GNL3L: variants seen among roughly 807,000 people sequenced by gnomAD.
GNL3L encodes the protein G protein nucleolar 3 like, also known as guanine nucleotide-binding protein-like 3-like protein.
A neutral mutation model predicts 42.9 loss-of-function variants in GNL3L; 4 were observed. The ratio of observed to expected loss-of-function variants is 0.09; its 90% confidence interval spans 0.05 to 0.21. The LOEUF (loss-of-function observed/expected upper bound fraction) is 0.21. Ranked by LOEUF, GNL3L falls within the 10% of genes least tolerant of loss-of-function variation. The probability of loss-of-function intolerance (pLI) is 1.00; values close to 1 mark genes in which losing one functional copy is unlikely to be tolerated. For synonymous variants in GNL3L, 159 were observed against 176.3 expected, an observed-to-expected ratio of 0.90 and a Z score of 0.78; for missense variants, 412 against 481.7, an observed-to-expected ratio of 0.86 and a Z score of 1.36.
intron 2 of GNL3L, among the ~76,000 whole-genome samples, chrX:54,538,821 A>G (rs1924523997): frequency 8.9e-6 from 1 of 111,815 alleles, no homozygotes; most frequent in Non-Finnish European, 1.9e-5. Flanking sequence ...TCTCAGAATT[A>G]TTTGAGTTTG....
intron 16 of GNL3L, among the ~76,000 whole-genome samples, chrX:54,593,198 G>A (rs865932603): frequency 2.7e-4 from 30 of 111,738 alleles, no homozygotes; most frequent in African/African-American, 9.4e-4. Flanking sequence ...AGTAGTATTG[G>A]TGTTAGCTTT....
In GNL3L at chrX:54,558,590, C is replaced by G. The variant is rs755079400; in HGVS notation, c.1601C>G (p.Pro534Arg). The change falls in exon 15 of 16, where the codon CCC (proline) becomes CGC (arginine). Residue 534 changes from proline to arginine, a missense_variant. Pro to Arg is a moderately radical substitution (Grantham distance 103). Transcript: ENST00000360845. ...CTGCAGAGGATCATGGAGACGGACC[C>G]CCTGCAACAGGGCCAGGCTCTGGCA... ...SVLQRIMETDPLQQGQALASA... is the reference protein window; with the variant it reads ...SVLQRIMETDRLQQGQALASA... 8.3e-7 allele frequency: 1 copy of G among 1,208,675 alleles called. No homozygotes were observed. Among genetic ancestry groups the G allele is most frequent in the African/African-American group, 1.8e-5 (1 of 57,045 alleles).
At chrX:54,640,950 A>G in the GNL3L span, among the ~76,000 whole-genome samples, 8 of 112,171 alleles carry the variant, frequency 7.1e-5, no homozygotes, top group Non-Finnish European at 1.3e-4. Context: ...GGTGCAGCTC[A>G]GGTTTCAAGC....
chrX:54,582,148 G>A (rs1004113598), intron 16 of GNL3L, among the ~76,000 whole-genome samples: 2 of 111,347 alleles, frequency 1.8e-5, no homozygotes, highest in Non-Finnish European at 3.8e-5. Context: ...CCCTTTTGGG[G>A]GCTGCTGAAT....
chrX:54,590,839 TTCAG>T (rs1283032186), intron 16 of GNL3L, among the ~76,000 whole-genome samples: 3 of 110,603 alleles, frequency 2.7e-5, no homozygotes, highest in African/African-American at 9.9e-5. Flanking sequence ...CATTCATTCA[TTCAG>T]TCAGTCAGTC....
At chrX:54,622,269 A>G (rs1317419345), downstream of GNL3L, among the ~76,000 whole-genome samples, 4 of 96,223 alleles carry the variant, frequency 4.2e-5, no homozygotes. Context: ...GTTGAGTTGC[A>G]GGAATTTTTT....
chrX:54,622,103 A>C (rs1031030959), downstream of GNL3L, among the ~76,000 whole-genome samples: 1 of 110,039 alleles, frequency 9.1e-6, no homozygotes, highest in Non-Finnish European at 1.9e-5. Flanking sequence ...AAATTATACC[A>C]ATTTTAATAG....
intron 16 of GNL3L, among the ~76,000 whole-genome samples, chrX:54,605,942 T>C (rs1164336489): frequency 3.6e-5 from 4 of 111,398 alleles, no homozygotes; most frequent in Non-Finnish European, 7.5e-5. Context: ...TGATTTTTGG[T>C]GGAAAATTTC....
intron 16 of GNL3L, among the ~76,000 whole-genome samples, chrX:54,595,800 G>C: frequency 9.0e-6 from 1 of 111,652 alleles, no homozygotes; most frequent in Non-Finnish European, 1.9e-5. Flanking sequence ...TTTTCTGCTC[G>C]ATCAATTCTG....
chrX:54,594,128 T>TA lies in GNL3L; in HGVS notation c.*46-26716dup, dbSNP rs1209191837. Reference sequence around the variant, plus strand: ...AATATTTTTAGGTCCATTTATTCTATACTGTAGATTAAGTCTGATTTTTTT... The same window carrying TA: ...AATATTTTTAGGTCCATTTATTCTATAACTGTAGATTAAGTCTGATTTTTTT... On this transcript the variant is annotated intron_variant, in intron 16 of 16. Transcript: ENST00000674498. 3.6e-5 allele frequency among the ~76,000 whole-genome samples: 4 copies of TA among 111,575 alleles called. No homozygotes were observed. The Admixed American group carries it at 3.8e-4, about 11-fold the overall frequency.
At chrX:54,532,297 G>A (rs762171996) in intron 1 of GNL3L, among the ~76,000 whole-genome samples, 36 of 109,864 alleles carry the variant, frequency 3.3e-4, no homozygotes, top group Non-Finnish European at 1.3e-4. Flanking sequence ...ACTCCACCCC[G>A]GATGAGGTTG....
downstream of GNL3L, among the ~76,000 whole-genome samples, chrX:54,621,774 C>T (rs985274618): frequency 9.1e-6 from 1 of 110,446 alleles, no homozygotes; most frequent in African/African-American, 3.3e-5. Context: ...CCACTGCACT[C>T]CAGCCTGGGC....
chrX:54,535,172 G>A (rs1282392763), intron 2 of GNL3L, among the ~76,000 whole-genome samples: 1 of 111,912 alleles, frequency 8.9e-6, no homozygotes, highest in Non-Finnish European at 1.9e-5. Flanking sequence ...GGGCTGGAGT[G>A]CAATGGCGCG....
At chrX:54,569,220 G>A (rs748181719), downstream of GNL3L, among the ~76,000 whole-genome samples, 90 of 111,867 alleles carry the variant, frequency 8.0e-4, no homozygotes, top group African/African-American at 2.7e-3. Flanking sequence ...TGGTATCGGG[G>A]TAATGCTGAC....
chrX:54,608,928 A>G (rs767788701), intron 16 of GNL3L, among the ~76,000 whole-genome samples: 2 of 112,048 alleles, frequency 1.8e-5, no homozygotes, highest in South Asian at 7.4e-4. Flanking sequence ...AGGAATCTCC[A>G]CACTGTTTTC....
chrX:54,639,949 G>A, the GNL3L span, among the ~76,000 whole-genome samples: 1 of 109,432 alleles, frequency 9.1e-6, no homozygotes, highest in Non-Finnish European at 1.9e-5. Context: ...GGACTCTCTC[G>A]GAGAACGAGG....
At chrX:54,571,351 G>A (rs1455547237), downstream of GNL3L, among the ~76,000 whole-genome samples, 4 of 108,428 alleles carry the variant, frequency 3.7e-5, no homozygotes, top group East Asian at 2.9e-4. Flanking sequence ...CGGCCACCAC[G>A]CCCGACTAAT....
chrX:54,560,878 TA>T lies in GNL3L; in HGVS notation c.*281del, dbSNP rs1385132285. 2 of 168,780 alleles carry T rather than the reference TA, an allele frequency of 1.2e-5. No homozygotes were observed. The highest frequency in any genetic ancestry group is 6.2e-5 in the African/African-American group (2 of 32,404). The allele number at this position is 168,780 out of a possible 1,213,427, so 13.9% of individuals were successfully genotyped here. On this transcript the variant is annotated 3_prime_UTR_variant, in exon 16 of 16. Transcript: ENST00000360845. ...CAACATGGTGAAACCCCGTCTCTAC[TA>T]AAAATACAAAAAAATTTAGCCGTGC... is the stretch of plus-strand genomic sequence containing the variant.
intron 16 of GNL3L, among the ~76,000 whole-genome samples, chrX:54,591,088 C>T (rs900352624): frequency 3.6e-5 from 4 of 111,146 alleles, no homozygotes; most frequent in African/African-American, 1.3e-4. Context: ...GCCTCTGCCC[C>T]ACAAAGTGCT....
Sources: gnomAD v4.1 joint callset for allele counts (sites outside exome capture counted in the v4.1 genomes callset) on GRCh38, gnomAD v4.1.1 for gene constraint, MANE v1.5 for transcripts, NCBI Gene and HGNC (gene_info 2026-07-23, HGNC 2026-07-21) for gene names.